CNOT7: variants seen among roughly 807,000 people sequenced by gnomAD.
CNOT7 encodes BTG1-binding factor 1.
CNOT7 carries 4 observed loss-of-function variants against 37.1 expected under a neutral mutation model. The ratio of observed to expected loss-of-function variants is 0.11; its 90% CI spans 0.05 to 0.25. The LOEUF is 0.25. Ranked by LOEUF, CNOT7 falls within the 10% of genes least tolerant of loss-of-function variation. CNOT7 has a pLI of 1.00. For missense variants in CNOT7, 170 were observed against 336.2 expected, an observed-to-expected ratio of 0.51 and a Z score of 3.87; for synonymous variants, 128 against 115.6, an observed-to-expected ratio of 1.11 and a Z score of -0.69.
chr8:17,245,535 T>C (rs1469601408), intron 1 of CNOT7, among the ~76,000 whole-genome samples: 2 of 152,234 alleles, frequency 1.3e-5, no homozygotes, highest in Non-Finnish European at 2.9e-5. Context: ...TGAGTTCAAC[T>C]ACTCTGCATA....
chr8:17,231,000 C>G (rs1340753705), intron 6 of CNOT7, 152 bp from the exon 7 acceptor site: 1 of 546,784 alleles, frequency 1.8e-6, no homozygotes, highest in African/African-American at 1.9e-5. Context: ...CATTTCAGTT[C>G]AATGAGTAAG....
rs535165064 is a variant in CNOT7, at chr8:17,227,517, C to T, written c.*3203G>A. On this transcript the variant is annotated 3_prime_UTR_variant, in exon 7 of 7. Transcript: ENST00000361272. ...CTTTGGGTTGGTTACTATCTTCAAGCACGATGTAATTCAGCATTAGTAAAT... is the reference window on the plus strand; with the variant it reads ...CTTTGGGTTGGTTACTATCTTCAAGTACGATGTAATTCAGCATTAGTAAAT... 1.8e-4 allele frequency: 27 copies of T among 151,998 alleles called. No homozygotes were observed. Among genetic ancestry groups the T allele is most frequent in the African/African-American group, 6.3e-4 (26 of 41,532 alleles). The allele number at this position is 151,998 out of a possible 1,614,324, so 9.4% of individuals were successfully genotyped here. A position where few individuals can be genotyped will look rare whatever the true frequency, so the allele number is the denominator to read the frequency against.
chr8:17,232,361 G>T, intron 6 of CNOT7, 66 bp downstream of exon 6: 2 of 1,609,790 alleles, frequency 1.2e-6, no homozygotes. Context: ...AAAATCTTTG[G>T]CCACAAGATT....
chr8:17,232,042 A>C, intron 6 of CNOT7: 1 of 1,041,220 alleles, frequency 9.6e-7, no homozygotes, highest in Non-Finnish European at 1.2e-6. Context: ...CCTAATATAA[A>C]GATTCCTTGC....
At position 17,230,809 on chromosome 8, in the gene CNOT7, C is replaced by G. The variant is rs1339119719; in HGVS notation, c.769G>C (p.Gly257Arg). ...EDHIDDAKYCGHLYGLGSGSS... is the reference protein window; with the variant it reads ...EDHIDDAKYCRHLYGLGSGSS... ...CCAGAACCAAGGCCATACAAATGAC[C>G]ACAATATTTGGCATCATCAATATGA... The change falls in exon 7 of 7, where the codon GGT becomes CGT. Residue 257 changes from glycine to arginine, a missense_variant. Physicochemically the swap from Gly to Arg is moderately radical, Grantham distance 125. Coordinates refer to ENST00000361272, the MANE Select transcript of CNOT7 (RefSeq NM_013354.7). 4 of 1,605,414 alleles carry G rather than the reference C, an allele frequency of 2.5e-6. No individual in the cohort carries two copies. Among genetic ancestry groups the G allele is most frequent in the Non-Finnish European group, 2.6e-6 (3 of 1,174,090 alleles).
intron 5 of CNOT7, 102 bp downstream of exon 5, chr8:17,234,614 A>T: frequency 8.2e-7 from 1 of 1,213,152 alleles, no homozygotes; most frequent in Non-Finnish European, 1.2e-6. Context: ...TCACTGTAAT[A>T]CTTTAAAATA....
chr8:17,230,274 C>G lies in CNOT7; in HGVS notation c.*446G>C, dbSNP rs1002249718. 1 of 152,584 alleles carries G rather than the reference C, an allele frequency of 6.6e-6. No individual in the cohort carries two copies. The highest frequency in any genetic ancestry group is 2.4e-5 in the African/African-American group (1 of 41,420). The allele number at this position is 152,584 out of a possible 1,614,324, so 9.5% of individuals were successfully genotyped here. A position where few individuals can be genotyped will look rare whatever the true frequency, so the allele number is the denominator to read the frequency against. On this transcript the variant is annotated 3_prime_UTR_variant, in exon 7 of 7. Coordinates refer to ENST00000361272, the MANE Select transcript of CNOT7 (RefSeq NM_013354.7). ...TTTTCTGATAAAACAGGTTTAGAGT[C>G]AGAAACACTCTCTAAAGTGCAAAAC...
At chr8:17,239,049 C>G (rs1055021759) in intron 3 of CNOT7, among the ~76,000 whole-genome samples, 1 of 152,178 alleles carries the variant, frequency 6.6e-6, no homozygotes, top group African/African-American at 2.4e-5. Flanking sequence ...ATAAAAACCA[C>G]TATTCTGTTG....
At chr8:17,232,811 A>G (rs1292674426) in intron 5 of CNOT7, among the ~76,000 whole-genome samples, 1 of 152,196 alleles carries the variant, frequency 6.6e-6, no homozygotes, top group Non-Finnish European at 1.5e-5. Context: ...TCTCCTAGAT[A>G]TGGGAAGGAA....
At position 17,230,611 on chromosome 8, in the gene CNOT7, GA is replaced by G; in HGVS notation, c.*108del. On this transcript the variant is annotated 3_prime_UTR_variant, in exon 7 of 7. Transcript: ENST00000361272. ...AAAGGCAGACAATAAAATGGGCCATGAAAGGGGGGGGAAAGGTACTGTCTAT... is the reference window on the plus strand; with the variant it reads ...AAAGGCAGACAATAAAATGGGCCATGAAGGGGGGGGAAAGGTACTGTCTAT... The G allele has an allele frequency of 1.1e-6, 1 of 893,778 alleles. No individual in the cohort carries two copies. Among genetic ancestry groups the G allele is most frequent in the African/African-American group, 1.7e-5 (1 of 57,936 alleles). 55.4% of individuals were successfully genotyped at this position (893,778 alleles called of 1,614,324 possible). A position where few individuals can be genotyped will look rare whatever the true frequency, so the allele number is the denominator to read the frequency against.
At chr8:17,233,859 C>T (rs1036094580) in intron 5 of CNOT7, among the ~76,000 whole-genome samples, 1 of 152,182 alleles carries the variant, frequency 6.6e-6, no homozygotes, top group Non-Finnish European at 1.5e-5. Flanking sequence ...TTAAGACCAG[C>T]GTGACCAACA....
chr8:17,236,271 A>G (rs1809346949), intron 4 of CNOT7, among the ~76,000 whole-genome samples: 1 of 152,230 alleles, frequency 6.6e-6, no homozygotes, highest in Non-Finnish European at 1.5e-5. Context: ...TTTAAGATAC[A>G]TGTGTGAAGT....
At chr8:17,233,118 A>G (rs1808846957) in intron 5 of CNOT7, among the ~76,000 whole-genome samples, 2 of 152,240 alleles carry the variant, frequency 1.3e-5, no homozygotes, top group African/African-American at 4.8e-5. Flanking sequence ...TAAAAAAGAA[A>G]GATGAGAGTG....
rs1808122571 is a variant in CNOT7 at position 17,225,944 on chromosome 8, G to A, written c.*4776C>T. 6.8e-6 allele frequency: 1 copy of A among 146,102 alleles called. No homozygotes were observed. The highest frequency in any genetic ancestry group is 6.9e-5 in the Admixed American group (1 of 14,482). 9.1% of individuals were successfully genotyped at this position (146,102 alleles called of 1,614,324 possible). A position where few individuals can be genotyped will look rare whatever the true frequency, so the allele number is the denominator to read the frequency against. On this transcript the variant is annotated 3_prime_UTR_variant, in exon 7 of 7. Transcript: ENST00000361272. ...CACCTCAGGTTGCCTACCCAGAGGA[G>A]CCACTGCATTTGGCAATGCAGATGA...
intron 2 of CNOT7, chr8:17,243,408 G>A (rs754125380): frequency 1.7e-5 from 11 of 639,372 alleles, no homozygotes; most frequent in Middle Eastern, 2.5e-4. Context: ...GTTACTATAC[G>A]AGATACATGT....
Position 17,226,029 on chromosome 8 carries a change from CTTTTTTTTTT to C in CNOT7, c.*4681_*4690del, listed in dbSNP as rs61036000. ...TCTTCTAGTAGAGAGGTGGACAAGCCTTTTTTTTTTTTTTTTTTTTTTTTTTGAAAAGGGC... is the reference window on the plus strand; with the variant it reads ...TCTTCTAGTAGAGAGGTGGACAAGCCTTTTTTTTTTTTTTTTGAAAAGGGC... On this transcript the variant is annotated 3_prime_UTR_variant, in exon 7 of 7. Transcript: ENST00000361272. 9 of 58,720 alleles carry C rather than the reference CTTTTTTTTTT, an allele frequency of 1.5e-4. No individual in the cohort carries two copies. The East Asian group carries it at 1.7e-3, about 11-fold the overall frequency. 3.6% of individuals were successfully genotyped at this position (58,720 alleles called of 1,614,324 possible).
At position 17,228,975 on chromosome 8, in the gene CNOT7, C is replaced by A. The variant is rs1053005481; in HGVS notation, c.*1745G>T. 5 of 151,884 alleles carry A rather than the reference C, an allele frequency of 3.3e-5. No individual in the cohort carries two copies. Among genetic ancestry groups the A allele is most frequent in the Non-Finnish European group, 7.4e-5 (5 of 67,842 alleles). 9.4% of individuals were successfully genotyped at this position (151,884 alleles called of 1,614,324 possible). On this transcript the variant is annotated 3_prime_UTR_variant, in exon 7 of 7. Coordinates refer to ENST00000361272, the MANE Select transcript of CNOT7 (RefSeq NM_013354.7). ...AATGTATTTACTTTGTGAAGTATAT[C>A]CTTCGGAATAAATGCATTCCTGGAA...
Position 17,245,009 on chromosome 8 carries a change from G to A in CNOT7, c.117+27C>T, listed in dbSNP as rs187178007. Reference sequence around the variant, plus strand: ...TTCCTTTTCCTCCTTTATATGAAGCGTTTTAAAGATCTGCTTGTGGGCATA... The same window carrying A: ...TTCCTTTTCCTCCTTTATATGAAGCATTTTAAAGATCTGCTTGTGGGCATA... On this transcript the variant is annotated intron_variant, in intron 2 of 6. Transcript: ENST00000361272. The A allele has an allele frequency of 1.0e-5, 16 of 1,552,484 alleles. No homozygotes were observed. The East Asian group carries it at 1.6e-4, about 15-fold the overall frequency.
chr8:17,243,440 A>T, intron 2 of CNOT7: 1 of 606,044 alleles, frequency 1.7e-6, no homozygotes, highest in South Asian at 1.5e-5. Context: ...CCAAATACTT[A>T]CTCTATAACC....
Sources: allele counts gnomAD v4.1 joint callset (sites outside exome capture counted in the v4.1 genomes callset), GRCh38; gene constraint gnomAD v4.1.1; transcripts MANE v1.5; gene names NCBI Gene and HGNC (gene_info 2026-07-23, HGNC 2026-07-21).